CD300C: variants seen among roughly 807,000 people sequenced by gnomAD.
CD300C encodes the protein CD300c molecule, also known as CMRF35-like molecule 6.
In CD300C, 11 loss-of-function variants were observed where a neutral mutation model predicts 18.4. The ratio of observed to expected loss-of-function variants is 0.60; its 90% CI spans 0.38 to 0.99. CD300C has a LOEUF of 0.99. Ranked by LOEUF, CD300C falls within the 50% of genes least tolerant of loss-of-function variation. CD300C has a pLI of 0.01. For missense variants in CD300C, 277 were observed against 287.4 expected, an observed-to-expected ratio of 0.96 and a Z score of 0.26; for synonymous variants, 116 against 116.3, an observed-to-expected ratio of 1.00 and a Z score of 0.02.
rs1193003478 is a variant in CD300C, at chr17:74,544,955, A to G, written c.62-8T>C. 2.5e-6 allele frequency: 4 copies of G among 1,598,948 alleles called. No individual in the cohort carries two copies. The highest frequency in any genetic ancestry group is 1.7e-5 in the Admixed American group (1 of 59,276). ...GGCTCAGAGGAAAATAGCCTGAAAAATACAAGCCAAAATCCTGTCTCCTTA... is the reference window on the plus strand; with the variant it reads ...GGCTCAGAGGAAAATAGCCTGAAAAGTACAAGCCAAAATCCTGTCTCCTTA... On this transcript the variant is annotated splice_polypyrimidine_tract_variant and splice_region_variant and intron_variant, in intron 1 of 3. Transcript: ENST00000330793.
rs774843981 is a variant in CD300C, at chr17:74,545,754, C to T, written c.29G>A (p.Arg10Gln). 1.6e-5 allele frequency: 25 copies of T among 1,609,370 alleles called. No individual in the cohort carries two copies. Among genetic ancestry groups the T allele is most frequent in the South Asian group, 4.4e-5 (4 of 90,158 alleles). The change falls in exon 1 of 4, where the codon CGG becomes CAG. Residue 10 changes from arginine to glutamine, a missense_variant. Transcript: ENST00000330793. ...AAGCAGGAGGAGCAGAGCTGAAGACCGCCACGAGGCCCAGGCCCTGGCAGT... is the reference window on the plus strand; with the variant it reads ...AAGCAGGAGGAGCAGAGCTGAAGACTGCCACGAGGCCCAGGCCCTGGCAGT... Reference protein sequence around the residue: MTARAWASWRSSALLLLLVP... With the variant: MTARAWASWQSSALLLLLVP...
downstream of CD300C, among the ~76,000 whole-genome samples, chr17:74,539,686 G>A (rs2174303): frequency 3.3e-5 from 5 of 152,214 alleles, no homozygotes; most frequent in South Asian, 2.1e-4. Context: ...CTCCCGACTC[G>A]GGTCTTTGTC....
At chr17:74,539,556 T>C (rs1908479961), downstream of CD300C, among the ~76,000 whole-genome samples, 1 of 152,036 alleles carries the variant, frequency 6.6e-6, no homozygotes, top group African/African-American at 2.4e-5. Context: ...TCCCAATGGC[T>C]CCTGCTGTCA....
At chr17:74,536,531 T>TG (rs1598134316), downstream of CD300C, among the ~76,000 whole-genome samples, 1 of 33,580 alleles carries the variant, frequency 3.0e-5, no homozygotes, top group Non-Finnish European at 6.3e-5. Flanking sequence ...AGACTCCGTC[T>TG]CAAAAAAAAA....
At chr17:74,540,646 G>GGTC (rs1908516634), downstream of CD300C, among the ~76,000 whole-genome samples, 1 of 152,180 alleles carries the variant, frequency 6.6e-6, no homozygotes, top group African/African-American at 2.4e-5. Context: ...GGCGACCCTG[G>GGTC]AACTGAAATG....
rs143534670 is a variant in CD300C, at chr17:74,544,878, C to G, written c.131G>C (p.Arg44Pro). 2.0e-5 allele frequency: 32 copies of G among 1,614,010 alleles called. No homozygotes were observed. Among genetic ancestry groups the G allele is most frequent in the Non-Finnish European group, 2.7e-5 (32 of 1,179,996 alleles). The stretch of plus-strand genomic sequence containing the variant: ...GAGGGTCCTGTGTTCCTTCTCATAG[C>G]GACACTGCACACTCAGGGATCCCCC... ...PVGGSLSVQC[R>P]YEKEHRTLNK... The change falls in exon 2 of 4, where the codon CGC becomes CCC. Residue 44 changes from arginine to proline, a missense_variant. Coordinates refer to ENST00000330793, the MANE Select transcript of CD300C (RefSeq NM_006678.5).
downstream of CD300C, among the ~76,000 whole-genome samples, chr17:74,537,160 G>A (rs115709294): frequency 6.2e-4 from 94 of 151,806 alleles, 1 homozygote; most frequent in African/African-American, 2.1e-3. Context: ...AGGGGAAGAC[G>A]AGAGAGAAAG....
At chr17:74,541,871 C>G in intron 3 of CD300C, 135 bp from the exon 4 acceptor site, 1 of 892,016 alleles carries the variant, frequency 1.1e-6, no homozygotes, top group Non-Finnish European at 1.7e-6. Flanking sequence ...ACAGTCCATC[C>G]CGTCTCAGCA....
At position 74,545,007 on chromosome 17, in the gene CD300C, C is replaced by T. The variant is rs572510105; in HGVS notation, c.62-60G>A. 6.0e-5 allele frequency: 88 copies of T among 1,472,016 alleles called. No homozygotes were observed. In the African/African-American group the frequency reaches 1.1e-3, roughly 19 times the overall value. 91.2% of individuals were successfully genotyped at this position (1,472,016 alleles called of 1,614,324 possible). A position where few individuals can be genotyped will look rare whatever the true frequency, so the allele number is the denominator to read the frequency against. ...CAGAGGGGCCTGGTCAGGGGTGCCG[C>T]AGTGTCAGCCCCTCATGGACCCTGG... On this transcript the variant is annotated intron_variant, in intron 1 of 3. Coordinates refer to ENST00000330793, the MANE Select transcript of CD300C (RefSeq NM_006678.5).
At chr17:74,543,241 C>T (rs755159678) in intron 2 of CD300C, among the ~76,000 whole-genome samples, 4 of 152,222 alleles carry the variant, frequency 2.6e-5, no homozygotes, top group Admixed American at 1.3e-4. Context: ...GGCAAAGGTA[C>T]GGGTCTCCAG....
downstream of CD300C, among the ~76,000 whole-genome samples, chr17:74,540,054 G>A (rs1598136539): frequency 6.6e-6 from 1 of 152,218 alleles, no homozygotes; most frequent in African/African-American, 2.4e-5. Context: ...ATCCAGCTCA[G>A]GCTGGGGAGG....
chr17:74,539,707 A>G (rs1568005184), downstream of CD300C, among the ~76,000 whole-genome samples: 1 of 151,680 alleles, frequency 6.6e-6, no homozygotes, highest in Non-Finnish European at 1.5e-5. Context: ...CAGACCCTCA[A>G]CCTCCCACTC....
At chr17:74,540,108 G>C (rs1231501448), downstream of CD300C, among the ~76,000 whole-genome samples, 1 of 152,154 alleles carries the variant, frequency 6.6e-6, no homozygotes, top group African/African-American at 2.4e-5. Context: ...ACTGGATCCA[G>C]AGAGGGATCT....
At chr17:74,539,681 G>C (rs1052763914), downstream of CD300C, among the ~76,000 whole-genome samples, 1 of 152,080 alleles carries the variant, frequency 6.6e-6, no homozygotes, top group Non-Finnish European at 1.5e-5. Context: ...CCACCCTCCC[G>C]ACTCGGGTCT....
intron 3 of CD300C, 139 bp from the exon 4 acceptor site, chr17:74,541,875 C>T (rs1908563889): frequency 1.1e-5 from 9 of 844,384 alleles, no homozygotes; most frequent in Non-Finnish European, 1.6e-5. Flanking sequence ...TCCATCCCGT[C>T]TCAGCATCAC....
At position 74,541,134 on chromosome 17, in the gene CD300C, T is replaced by G; in HGVS notation, c.*455A>C. The G allele has an allele frequency of 6.1e-6, 1 of 165,100 alleles. No individual in the cohort carries two copies. The highest frequency in any genetic ancestry group is 1.3e-5 in the Non-Finnish European group (1 of 75,040). 10.2% of individuals were successfully genotyped at this position (165,100 alleles called of 1,614,324 possible). A position where few individuals can be genotyped will look rare whatever the true frequency, so the allele number is the denominator to read the frequency against. On this transcript the variant is annotated 3_prime_UTR_variant, in exon 4 of 4. Transcript: ENST00000330793. ...CTACACATTGTCATTTATTAAAGTTTGAAAGCATCATTGAATCGACACACT... is the reference window on the plus strand; with the variant it reads ...CTACACATTGTCATTTATTAAAGTTGGAAAGCATCATTGAATCGACACACT...
In CD300C at chr17:74,541,446, G is replaced by A. The variant is rs1027261328; in HGVS notation, c.*143C>T. ...GGTTCACATGTGACACATGAGGATCGGGCACAGGGAAAAGGCTGAAGGAGG... is the reference window on the plus strand; with the variant it reads ...GGTTCACATGTGACACATGAGGATCAGGCACAGGGAAAAGGCTGAAGGAGG... On this transcript the variant is annotated 3_prime_UTR_variant, in exon 4 of 4. Transcript: ENST00000330793. The A allele has an allele frequency of 1.8e-5, 12 of 684,564 alleles. No homozygotes were observed. Among genetic ancestry groups the A allele is most frequent in the East Asian group, 7.5e-5 (3 of 39,792 alleles). The allele number at this position is 684,564 out of a possible 1,614,324, so 42.4% of individuals were successfully genotyped here.
At chr17:74,542,595 T>G (rs1416104226) in intron 3 of CD300C, among the ~76,000 whole-genome samples, 1 of 152,254 alleles carries the variant, frequency 6.6e-6, no homozygotes, top group Non-Finnish European at 1.5e-5. Context: ...TTTGCTGTAT[T>G]TGTACATCAG....
chr17:74,536,603 A>G (rs1486227416), downstream of CD300C, among the ~76,000 whole-genome samples: 1 of 152,114 alleles, frequency 6.6e-6, no homozygotes, highest in Non-Finnish European at 1.5e-5. Flanking sequence ...GGCATTTCTC[A>G]AAAGAGAAAA....
Sources: allele counts gnomAD v4.1 joint callset (sites outside exome capture counted in the v4.1 genomes callset), GRCh38; gene constraint gnomAD v4.1.1; transcripts MANE v1.5; gene names NCBI Gene and HGNC (gene_info 2026-07-23, HGNC 2026-07-21).